The following GAB2 variants were observed in gnomAD, a reference collection of about 807,000 sequenced individuals.
The protein encoded by GAB2 is GRB2 associated binding protein 2, also known as GRB2-associated-binding protein 2.
A neutral mutation model predicts 65.5 loss-of-function variants in GAB2; 26 were observed. The ratio of observed to expected loss-of-function variants is 0.40; its 90% CI spans 0.29 to 0.55. GAB2 has a LOEUF of 0.55. GAB2 is among the 20% of genes least tolerant of loss of function. GAB2 has a pLI of 0.53. For synonymous variants in GAB2, 321 were observed against 329.6 expected (o/e 0.97, Z 0.28); for missense variants, 884 against 875.8 (o/e 1.01, Z -0.12).
At chr11:78,347,184 A>G (rs1856205428) in intron 1 of GAB2, among the ~76,000 whole-genome samples, 2 of 152,160 alleles carry the variant, frequency 1.3e-5, no homozygotes, top group Admixed American at 6.5e-5. Flanking sequence ...AGTTGTATTT[A>G]AAGCTTTTGA....
chr11:78,295,630 GGTTCTCAGCACAGTTCATGTAGGT>G (rs1448179139), intron 1 of GAB2, among the ~76,000 whole-genome samples: 16 of 152,264 alleles, frequency 1.1e-4, no homozygotes, highest in Admixed American at 9.2e-4. Context: ...TATGAACAGA[GGTTCTCAGCACAGTTCATGTAGGT>G]GTTCTCAGCA....
intron 1 of GAB2, among the ~76,000 whole-genome samples, chr11:78,360,232 C>T (rs1254757676): frequency 6.6e-6 from 1 of 152,116 alleles, no homozygotes; most frequent in African/African-American, 2.4e-5. Flanking sequence ...TCTCTATTGT[C>T]TTAAGCCAAC....
At chr11:78,370,968 G>C (rs930741606) in intron 1 of GAB2, among the ~76,000 whole-genome samples, 5 of 152,150 alleles carry the variant, frequency 3.3e-5, no homozygotes, top group African/African-American at 1.2e-4. Context: ...GCCAAATGGG[G>C]CTTAGGCACA....
chr11:78,312,286 T>TACC (rs558388058), intron 1 of GAB2, among the ~76,000 whole-genome samples: 2,145 of 151,886 alleles, frequency 0.014, 39 homozygotes, highest in African/African-American at 0.042. Context: ...GTGTGGTCTT[T>TACC]ACCACCACCA....
At chr11:78,338,050 A>G (rs1856031679) in intron 1 of GAB2, among the ~76,000 whole-genome samples, 1 of 152,246 alleles carries the variant, frequency 6.6e-6, no homozygotes, top group South Asian at 2.1e-4. Flanking sequence ...GTCTTACAAA[A>G]GTACTCCATA....
Position 78,409,412 on chromosome 11 carries a change from C to T in GAB2, c.75+8234G>A, listed in dbSNP as rs988084448. Among the ~76,000 whole-genome samples, 3 of 152,114 alleles carry T rather than the reference C, an allele frequency of 2.0e-5. No homozygotes were observed. The South Asian group carries it at 6.2e-4, about 31-fold the overall frequency. Reference sequence around the variant, plus strand: ...CCAGTCTGGCCAACATGGAGAAACCCTGTCTCTATTAAAAATACAAAATTA... The same window carrying T: ...CCAGTCTGGCCAACATGGAGAAACCTTGTCTCTATTAAAAATACAAAATTA... On this transcript the variant is annotated intron_variant, in intron 1 of 9. Coordinates refer to ENST00000361507, the MANE Select transcript of GAB2 (RefSeq NM_080491.3).
intron 9 of GAB2, 137 bp from the exon 10 acceptor site, chr11:78,219,552 A>T: frequency 1.3e-6 from 1 of 747,612 alleles, no homozygotes; most frequent in South Asian, 1.7e-5. Context: ...GACCAGCCTC[A>T]GGAGCCTGGC....
chr11:78,249,282 T>C (rs1260362001), intron 3 of GAB2, among the ~76,000 whole-genome samples: 2 of 152,232 alleles, frequency 1.3e-5, no homozygotes, highest in Non-Finnish European at 2.9e-5. Flanking sequence ...TATGAAAATA[T>C]TCTCAAGGAC....
intron 7 of GAB2, 140 bp from the exon 8 acceptor site, chr11:78,221,919 T>C: frequency 1.5e-6 from 1 of 681,280 alleles, no homozygotes; most frequent in Non-Finnish European, 2.6e-6. Flanking sequence ...AGATCTGATA[T>C]AGGGCAGGTA....
intron 1 of GAB2, among the ~76,000 whole-genome samples, chr11:78,377,953 C>T (rs865954040): frequency 1.3e-5 from 2 of 152,166 alleles, no homozygotes; most frequent in East Asian, 1.9e-4. Context: ...TTGCTTTCCA[C>T]GAGATGCAAA....
At chr11:78,233,688 CCTCCA>C (rs1864909865) in intron 3 of GAB2, among the ~76,000 whole-genome samples, 1 of 152,064 alleles carries the variant, frequency 6.6e-6, no homozygotes, top group Admixed American at 6.5e-5. Context: ...CTCACTGCAA[CCTCCA>C]CCTCCTGGGT....
intron 3 of GAB2, among the ~76,000 whole-genome samples, chr11:78,239,027 A>G (rs569216195): frequency 1.3e-5 from 2 of 152,224 alleles, no homozygotes; most frequent in East Asian, 3.9e-4. Flanking sequence ...AAGTTGCTCA[A>G]CACCACTAAT....
intron 1 of GAB2, among the ~76,000 whole-genome samples, chr11:78,416,413 C>A (rs1449211749): frequency 1.3e-5 from 2 of 152,236 alleles, no homozygotes; most frequent in African/African-American, 4.8e-5. Context: ...TCCCTTGATT[C>A]TGATCTGGGG....
chr11:78,238,206 C>CAAAAAAAAA (rs10541492), intron 3 of GAB2, among the ~76,000 whole-genome samples: 10 of 104,794 alleles, frequency 9.5e-5, no homozygotes, highest in Non-Finnish European at 1.2e-4. Context: ...AGGGAAGAAA[C>CAAAAAAAAA]AAAAAAAAAA....
At chr11:78,223,034 G>A (rs1864506023) in intron 6 of GAB2, among the ~76,000 whole-genome samples, 1 of 152,220 alleles carries the variant, frequency 6.6e-6, no homozygotes. Context: ...TGAATTCCCT[G>A]TTGGCCAGAC....
At chr11:78,342,598 C>T (rs975049844) in intron 1 of GAB2, among the ~76,000 whole-genome samples, 3 of 152,150 alleles carry the variant, frequency 2.0e-5, no homozygotes, top group East Asian at 1.9e-4. Context: ...CTAGTAGAGA[C>T]GGGGTTTCAC....
chr11:78,288,732 C>G (rs191276033), intron 1 of GAB2, among the ~76,000 whole-genome samples: 1 of 152,294 alleles, frequency 6.6e-6, no homozygotes, highest in Non-Finnish European at 1.5e-5. Context: ...TTGGACAACT[C>G]GACTTGGTGC....
intron 1 of GAB2, among the ~76,000 whole-genome samples, chr11:78,291,197 A>G (rs1305320278): frequency 6.6e-6 from 1 of 151,340 alleles, no homozygotes; most frequent in Non-Finnish European, 1.5e-5. Context: ...TCACGTCTGT[A>G]ATCCCAGCAT....
intron 1 of GAB2, among the ~76,000 whole-genome samples, chr11:78,377,135 TAAACCAA>T: frequency 6.6e-6 from 1 of 152,228 alleles, no homozygotes; most frequent in Non-Finnish European, 1.5e-5. Flanking sequence ...TGCAGAACTG[TAAACCAA>T]TTAAATCTAT....
Sources: allele counts gnomAD v4.1 joint callset (sites outside exome capture counted in the v4.1 genomes callset), GRCh38; gene constraint gnomAD v4.1.1; transcripts MANE v1.5; gene names NCBI Gene and HGNC (gene_info 2026-07-23, HGNC 2026-07-21).